MTMR14: variants seen among roughly 807,000 people sequenced by gnomAD.
MTMR14 encodes phosphatidylinositol-3,5-bisphosphate 3-phosphatase MTMR14.
In MTMR14, 48 loss-of-function variants were observed where a neutral mutation model predicts 86.3. The observed-to-expected ratio is 0.56, with a 90% CI of 0.44 to 0.71. MTMR14 has a LOEUF of 0.71. Ranked by LOEUF, MTMR14 falls within the 30% of genes least tolerant of loss-of-function variation. The pLI, the probability that MTMR14 is intolerant of heterozygous loss-of-function variation, is 0.00. For missense variants in MTMR14, 780 were observed against 834.6 expected (o/e 0.93, Z 0.81); for synonymous variants, 366 against 326.1 (o/e 1.12, Z -1.32).
intron 9 of MTMR14, among the ~76,000 whole-genome samples, chr3:9,681,376 C>T (rs1216506053): frequency 6.6e-6 from 1 of 152,190 alleles, no homozygotes; most frequent in Non-Finnish European, 1.5e-5. Context: ...CTGCAATGAC[C>T]TCCTAGTCCC....
intron 2 of MTMR14, among the ~76,000 whole-genome samples, chr3:9,658,788 A>C (rs773257427): frequency 6.6e-6 from 1 of 152,220 alleles, no homozygotes; most frequent in African/African-American, 2.4e-5. Context: ...TATCTCAGGA[A>C]GTTGTGGGGT....
chr3:9,682,049 G>T (rs1207631324), intron 9 of MTMR14, among the ~76,000 whole-genome samples: 1 of 152,202 alleles, frequency 6.6e-6, no homozygotes, highest in African/African-American at 2.4e-5. Context: ...CGCTCACTGG[G>T]CTTGGTACAG....
chr3:9,667,296 C>G (rs2048308622), intron 3 of MTMR14, among the ~76,000 whole-genome samples: 1 of 152,162 alleles, frequency 6.6e-6, no homozygotes, highest in Admixed American at 6.5e-5. Flanking sequence ...CAGCCCTTTC[C>G]TGTGGAAGCA....
chr3:9,650,964 G>C (rs1285140091), intron 1 of MTMR14, among the ~76,000 whole-genome samples: 1 of 151,932 alleles, frequency 6.6e-6, no homozygotes, highest in Non-Finnish European at 1.5e-5. Flanking sequence ...AATTATTGTA[G>C]TTTTTAGTAG....
At position 9,649,522 on chromosome 3, in the gene MTMR14, T is replaced by C. The variant is rs1230760988; in HGVS notation, c.-62T>C. 4.0e-6 allele frequency: 6 copies of C among 1,487,534 alleles called. No individual in the cohort carries two copies. The highest frequency in any genetic ancestry group is 5.3e-6 in the Non-Finnish European group (6 of 1,121,604). 92.1% of individuals were successfully genotyped at this position (1,487,534 alleles called of 1,614,324 possible). ...GGTTCCGGAGGTTCTAGTGTCGGAG[T>C]TGGGTGCAGGCAGGTGCCATGGGCC... On this transcript the variant is annotated 5_prime_UTR_variant, in exon 1 of 19. Transcript: ENST00000296003.
chr3:9,666,023 G>A (rs144179623), intron 3 of MTMR14, among the ~76,000 whole-genome samples: 1 of 151,662 alleles, frequency 6.6e-6, no homozygotes, highest in Non-Finnish European at 1.5e-5. Context: ...CACCGTGCCC[G>A]GCCCATTTCA....
chr3:9,669,966 G>A (rs2048481071), intron 5 of MTMR14, among the ~76,000 whole-genome samples: 1 of 152,226 alleles, frequency 6.6e-6, no homozygotes, highest in African/African-American at 2.4e-5. Flanking sequence ...TGTCACAGCT[G>A]CATGATTGGT....
intron 12 of MTMR14, 114 bp from the exon 13 acceptor site, chr3:9,685,097 A>G (rs2075893764): frequency 2.0e-6 from 3 of 1,511,720 alleles, no homozygotes; most frequent in East Asian, 4.5e-5. Context: ...GCTGCTGATC[A>G]GGCCCCACCT....
At chr3:9,689,337 G>A (rs1575065273) in intron 16 of MTMR14, among the ~76,000 whole-genome samples, 1 of 152,226 alleles carries the variant, frequency 6.6e-6, no homozygotes, top group East Asian at 1.9e-4. Context: ...GGCAGGGTAG[G>A]GCAGGGGTCT....
At chr3:9,672,883 T>C in intron 7 of MTMR14, 125 bp downstream of exon 7, 1 of 887,594 alleles carries the variant, frequency 1.1e-6, no homozygotes, top group Non-Finnish European at 1.9e-6. Context: ...TGTCAGGCAG[T>C]GTAGGACATT....
chr3:9,669,481 C>T lies in MTMR14; in HGVS notation c.543C>T (p.Asp181=). ...ATGTGGAGGACGTCACGGAGGAGGA[C>T]TGTGCTCTTCGGTCAGTGCTGGGTT... The part of the protein sequence containing the change: ...WADVEDVTEE[D]CALRSGDTHL... The change falls in exon 5 of 19, where the codon GAC becomes GAT. Residue 181 remains aspartate (D), a synonymous_variant. Transcript: ENST00000296003. 1 of 1,613,486 alleles carries T rather than the reference C, an allele frequency of 6.2e-7. No individual in the cohort carries two copies. The highest frequency in any genetic ancestry group is 1.1e-5 in the South Asian group (1 of 91,016).
At chr3:9,675,892 A>G (rs761020078) in intron 7 of MTMR14, among the ~76,000 whole-genome samples, 3 of 152,180 alleles carry the variant, frequency 2.0e-5, no homozygotes, top group Non-Finnish European at 2.9e-5. Flanking sequence ...TCTGAGATCT[A>G]TAATTCTTCT....
At chr3:9,654,752 G>A (rs978182514) in intron 2 of MTMR14, among the ~76,000 whole-genome samples, 11 of 152,246 alleles carry the variant, frequency 7.2e-5, no homozygotes, top group African/African-American at 2.7e-4. Context: ...GGCTAGCAGT[G>A]CATTCAATAA....
intron 18 of MTMR14, chr3:9,700,834 T>TC (rs2076432783): frequency 6.6e-6 from 1 of 151,820 alleles, no homozygotes; most frequent in African/African-American, 2.4e-5. Context: ...TTTTTTTTTT[T>TC]TTTAGACACA....
At position 9,668,702 on chromosome 3, in the gene MTMR14, T is replaced by C. The variant is rs1419910654; in HGVS notation, c.418-17T>C. 1.2e-6 allele frequency: 2 copies of C among 1,613,840 alleles called. No homozygotes were observed. Among genetic ancestry groups the C allele is most frequent in the Non-Finnish European group, 8.5e-7 (1 of 1,179,796 alleles). On this transcript the variant is annotated splice_polypyrimidine_tract_variant and intron_variant, in intron 3 of 18. Coordinates refer to ENST00000296003, the MANE Select transcript of MTMR14 (RefSeq NM_001077525.3). ...TCAGAAAACCATCTGACCGTGAAAA[T>C]GATGTTTCTCTCCCAGCACATTTGC...
chr3:9,656,815 C>T (rs1159152902), intron 2 of MTMR14, among the ~76,000 whole-genome samples: 2 of 152,190 alleles, frequency 1.3e-5, no homozygotes, highest in Admixed American at 6.5e-5. Flanking sequence ...CCATTCTCTT[C>T]GTTCCCCTTC....
At chr3:9,665,501 A>T (rs2048198494) in intron 3 of MTMR14, among the ~76,000 whole-genome samples, 1 of 152,126 alleles carries the variant, frequency 6.6e-6, no homozygotes, top group African/African-American at 2.4e-5. Context: ...GGAGGAGGCA[A>T]GGGTTGAAGA....
chr3:9,687,542 G>A (rs899201822), intron 13 of MTMR14, among the ~76,000 whole-genome samples: 1 of 151,172 alleles, frequency 6.6e-6, no homozygotes, highest in African/African-American at 2.4e-5. Context: ...GTGACAGAGC[G>A]AGACTCTGTC....
At chr3:9,697,610 CCTAGCAGCCAGG>C in intron 17 of MTMR14, 89 bp from the exon 18 acceptor site, 1 of 1,348,568 alleles carries the variant, frequency 7.4e-7, no homozygotes, top group Non-Finnish European at 1.0e-6. Flanking sequence ...GACAACAGAA[CCTAGCAGCCAGG>C]GCTGCGCTAG....
Sources: allele counts gnomAD v4.1 joint callset (sites outside exome capture counted in the v4.1 genomes callset), GRCh38; gene constraint gnomAD v4.1.1; transcripts MANE v1.5; gene names NCBI Gene and HGNC (gene_info 2026-07-23, HGNC 2026-07-21).